IL18R1: variants seen among roughly 807,000 people sequenced by gnomAD.
IL18R1 encodes the protein interleukin 18 receptor 1.
A neutral mutation model predicts 48.5 loss-of-function variants in IL18R1; 40 were observed. The ratio of observed to expected loss-of-function variants is 0.82; its 90% confidence interval spans 0.64 to 1.07. The LOEUF (loss-of-function observed/expected upper bound fraction) is 1.07, where lower values mean the gene tolerates loss of function less well. Ranked by LOEUF, IL18R1 falls within the 50% of genes least tolerant of loss-of-function variation. The probability of loss-of-function intolerance (pLI) is 0.00; values close to 1 mark genes in which losing one functional copy is unlikely to be tolerated. For missense variants in IL18R1, 596 were observed against 633.7 expected, an observed-to-expected ratio of 0.94 and a Z score of 0.64; for synonymous variants, 232 against 225.9, an observed-to-expected ratio of 1.03 and a Z score of -0.24.
In IL18R1 at chr2:102,396,900, T is replaced by A; in HGVS notation, c.*14T>A. ...TCCGAGTCTTAATCTTCAGAAACAG[T>A]GAACGCCAAAAAGAACTCAAGATAT... is the stretch of plus-strand genomic sequence containing the variant. On this transcript the variant is annotated 3_prime_UTR_variant, in exon 11 of 11. Coordinates refer to ENST00000233957, the MANE Select transcript of IL18R1 (RefSeq NM_003855.5). 1 of 1,498,408 alleles carries A rather than the reference T, an allele frequency of 6.7e-7. No individual in the cohort carries two copies. Among genetic ancestry groups the A allele is most frequent in the Non-Finnish European group, 9.1e-7 (1 of 1,103,816 alleles). The allele number at this position is 1,498,408 out of a possible 1,614,324, so 92.8% of individuals were successfully genotyped here.
intron 4 of IL18R1, among the ~76,000 whole-genome samples, chr2:102,374,555 G>C (rs1306200919): frequency 2.0e-5 from 3 of 152,070 alleles, no homozygotes; most frequent in Admixed American, 6.6e-5. Context: ...GAGGTGGGCG[G>C]ATTATTAGGT....
Position 102,356,171 on chromosome 2 carries a change from T to G in IL18R1, c.-258T>G. 38 of 201,018 alleles carry G rather than the reference T, an allele frequency of 1.9e-4. No individual in the cohort carries two copies. Among genetic ancestry groups the G allele is most frequent in the Non-Finnish European group, 3.1e-4 (35 of 112,900 alleles). 12.5% of individuals were successfully genotyped at this position (201,018 alleles called of 1,614,324 possible). A position where few individuals can be genotyped will look rare whatever the true frequency, so the allele number is the denominator to read the frequency against. On this transcript the variant is annotated 5_prime_UTR_variant, in exon 1 of 11. Coordinates refer to ENST00000233957, the MANE Select transcript of IL18R1 (RefSeq NM_003855.5). ...GCCAGGAGCTGCCAGACGCCTGACATTCTTCTTTCTGTTCCTACTTTTTTT... is the reference window on the plus strand; with the variant it reads ...GCCAGGAGCTGCCAGACGCCTGACAGTCTTCTTTCTGTTCCTACTTTTTTT...
chr2:102,376,162 T>A (rs1679572781), intron 5 of IL18R1, 99 bp downstream of exon 5: 1 of 1,027,830 alleles, frequency 9.7e-7, no homozygotes. Flanking sequence ...GTCCACTTAG[T>A]TGGGGTTGTG....
rs910982298 is a variant in IL18R1 at position 102,355,801 on chromosome 2, C to G, written c.-628C>G. On this transcript the variant is annotated 5_prime_UTR_variant, in exon 1 of 11. Transcript: ENST00000233957. ...GCTACAGCCCGGGTTTTCCCGGGAC[C>G]CGCGCCGCGCGGCTGGGCAGGAAGC... 1.3e-5 allele frequency: 2 copies of G among 152,250 alleles called. No individual in the cohort carries two copies. Among genetic ancestry groups the G allele is most frequent in the African/African-American group, 2.4e-5 (1 of 41,444 alleles). The allele number at this position is 152,250 out of a possible 1,614,324, so 9.4% of individuals were successfully genotyped here. A position where few individuals can be genotyped will look rare whatever the true frequency, so the allele number is the denominator to read the frequency against.
In IL18R1 at chr2:102,362,613, T is replaced by C; in HGVS notation, c.-28-20T>C. 6.6e-7 allele frequency: 1 copy of C among 1,522,854 alleles called. No individual in the cohort carries two copies. The highest frequency in any genetic ancestry group is 2.3e-5 in the East Asian group (1 of 44,016). 94.3% of individuals were successfully genotyped at this position (1,522,854 alleles called of 1,614,324 possible). A position where few individuals can be genotyped will look rare whatever the true frequency, so the allele number is the denominator to read the frequency against. The stretch of plus-strand genomic sequence containing the variant: ...TTTGTTTGAAAGCTTTGGCTGAATC[T>C]GTTTTATTCTGTTTTCCAGAGAAGC... On this transcript the variant is annotated intron_variant, in intron 1 of 10. Transcript: ENST00000233957.
intron 6 of IL18R1, among the ~76,000 whole-genome samples, chr2:102,382,621 A>G (rs563192698): frequency 6.6e-6 from 1 of 152,346 alleles, no homozygotes; most frequent in South Asian, 2.1e-4. Flanking sequence ...AAATAATTGA[A>G]GTGCAAAAAG....
chr2:102,392,414 T>G (rs545114777), intron 9 of IL18R1, among the ~76,000 whole-genome samples: 3 of 152,336 alleles, frequency 2.0e-5, no homozygotes, highest in African/African-American at 4.8e-5. Flanking sequence ...TCTTTTTTCC[T>G]TCTCCAGTTG....
chr2:102,384,186 G>A (rs919618307), intron 6 of IL18R1, among the ~76,000 whole-genome samples: 1 of 152,162 alleles, frequency 6.6e-6, no homozygotes, highest in African/African-American at 2.4e-5. Context: ...GGTGAGGGAG[G>A]GGGTGCTGCA....
At chr2:102,375,263 T>C (rs1038860058) in intron 4 of IL18R1, among the ~76,000 whole-genome samples, 1 of 152,190 alleles carries the variant, frequency 6.6e-6, no homozygotes, top group Non-Finnish European at 1.5e-5. Context: ...ATGTGCTGGA[T>C]TGAAGAAAGT....
chr2:102,371,397 G>T (rs1003320150), intron 3 of IL18R1, among the ~76,000 whole-genome samples: 47 of 152,058 alleles, frequency 3.1e-4, no homozygotes, highest in Non-Finnish European at 8.8e-5. Context: ...ACTCACTTTT[G>T]GTCAGTAAGG....
chr2:102,368,440 C>T (rs1013306640), intron 3 of IL18R1, among the ~76,000 whole-genome samples: 1 of 152,142 alleles, frequency 6.6e-6, no homozygotes, highest in Non-Finnish European at 1.5e-5. Context: ...GCGAATGGGG[C>T]AGTGTCAGCT....
chr2:102,386,236 G>A (rs977237904), intron 7 of IL18R1, among the ~76,000 whole-genome samples: 1 of 152,182 alleles, frequency 6.6e-6, no homozygotes, highest in Non-Finnish European at 1.5e-5. Flanking sequence ...GGAAGTGGAT[G>A]TCATAAGTGT....
At chr2:102,362,147 T>G (rs933952983) in intron 1 of IL18R1, among the ~76,000 whole-genome samples, 35 of 152,188 alleles carry the variant, frequency 2.3e-4, no homozygotes, top group African/African-American at 8.2e-4. Context: ...GAAACCTACG[T>G]TCTGAAGGAG....
chr2:102,392,181 T>G (rs2105127610), intron 9 of IL18R1, among the ~76,000 whole-genome samples: 1 of 152,344 alleles, frequency 6.6e-6, no homozygotes, highest in Non-Finnish European at 1.5e-5. Flanking sequence ...GTTTTCACAT[T>G]TAGAACTTTA....
intron 6 of IL18R1, among the ~76,000 whole-genome samples, 168 bp from the exon 7 acceptor site, chr2:102,384,706 ATTTC>A (rs1314516137): frequency 2.0e-5 from 3 of 152,070 alleles, no homozygotes. Flanking sequence ...ATTGCTACCT[ATTTC>A]TTCTGCTTTA....
intron 5 of IL18R1, among the ~76,000 whole-genome samples, chr2:102,378,350 G>A (rs1460023103): frequency 3.3e-5 from 5 of 152,162 alleles, no homozygotes; most frequent in Non-Finnish European, 5.9e-5. Flanking sequence ...TCCCTCGTAG[G>A]GTTGGCTGAC....
Position 102,398,703 on chromosome 2 carries a change from A to T in IL18R1, c.*1817A>T, listed in dbSNP as rs1680941877. On this transcript the variant is annotated 3_prime_UTR_variant, in exon 11 of 11. Transcript: ENST00000233957. ...TTGCATTAAATGCATTTCAAGTTAA[A>T]TGTCTTAAATGTATACATTAGATGT... is the stretch of plus-strand genomic sequence containing the variant. 1 of 152,388 alleles carries T rather than the reference A, an allele frequency of 6.6e-6. No individual in the cohort carries two copies. Among genetic ancestry groups the T allele is most frequent in the South Asian group, 2.1e-4 (1 of 4,836 alleles). 9.4% of individuals were successfully genotyped at this position (152,388 alleles called of 1,614,324 possible). A position where few individuals can be genotyped will look rare whatever the true frequency, so the allele number is the denominator to read the frequency against.
In IL18R1 at chr2:102,381,995, G is replaced by A. The variant is rs116850848; in HGVS notation, c.688+313G>A. 1.1e-4 allele frequency among the ~76,000 whole-genome samples: 16 copies of A among 152,168 alleles called. No homozygotes were observed. The East Asian group carries it at 1.7e-3, about 17-fold the overall frequency. ...ATTTCTAAATATGAAAATTTAGGCC[G>A]GGCATGGTGGCTCACGCCTGTAATC... is the stretch of plus-strand genomic sequence containing the variant. On this transcript the variant is annotated intron_variant, in intron 6 of 10. Coordinates refer to ENST00000233957, the MANE Select transcript of IL18R1 (RefSeq NM_003855.5).
chr2:102,380,703 G>C (rs911843217), intron 5 of IL18R1, among the ~76,000 whole-genome samples: 3 of 152,100 alleles, frequency 2.0e-5, no homozygotes, highest in South Asian at 2.1e-4. Context: ...GGGAGGTGTG[G>C]GAGCTGCAGG....
Sources: gnomAD v4.1 joint callset for allele counts (sites outside exome capture counted in the v4.1 genomes callset) on GRCh38, gnomAD v4.1.1 for gene constraint, MANE v1.5 for transcripts, NCBI Gene and HGNC (gene_info 2026-07-23, HGNC 2026-07-21) for gene names.